The following GRM7 variants were observed in gnomAD, a reference collection of about 807,000 sequenced individuals.
GRM7 encodes glutamate metabotropic receptor 7, also known as metabotropic glutamate receptor 7.
Under a neutral mutation model 84.5 loss-of-function variants are expected in GRM7, and 35 were observed. That is an observed-to-expected ratio of 0.41 (90% CI 0.32 to 0.55). GRM7 has a LOEUF of 0.55. GRM7 is among the 20% of genes least tolerant of loss of function. The pLI, the probability that GRM7 is intolerant of heterozygous loss-of-function variation, is 0.19. For synonymous variants in GRM7, 487 were observed against 455.1 expected (o/e 1.07, Z -0.89); for missense variants, 1,003 against 1,194.6 (o/e 0.84, Z 2.36).
rs144529514 is a variant in GRM7 at position 6,960,619 on chromosome 3, CT to C, written c.519+98713del. 5.0e-3 allele frequency among the ~76,000 whole-genome samples: 754 copies of C among 152,272 alleles called. 10 individuals are homozygous for C. The highest frequency in any genetic ancestry group is 0.018 in the African/African-American group (731 of 41,550). ...TCTTCCATTTCTTTCCAATTCCTCA[CT>C]CTCCAAAACATTTTCAATGTATTCC... On this transcript the variant is annotated intron_variant, in intron 1 of 9. Transcript: ENST00000357716.
intron 7 of GRM7, among the ~76,000 whole-genome samples, chr3:7,469,834 C>A (rs1394648105): frequency 6.6e-6 from 1 of 152,110 alleles, no homozygotes; most frequent in Non-Finnish European, 1.5e-5. Context: ...ATTTGTAAAT[C>A]AAAATTAAGT....
At chr3:7,250,340 G>C (rs1246989935) in intron 2 of GRM7, among the ~76,000 whole-genome samples, 3 of 151,984 alleles carry the variant, frequency 2.0e-5, no homozygotes, top group Non-Finnish European at 4.4e-5. Context: ...TTGGTTGGAA[G>C]TATGTGAAAG....
intron 4 of GRM7, among the ~76,000 whole-genome samples, chr3:7,376,970 C>T (rs146481974): frequency 5.2e-4 from 79 of 152,304 alleles, no homozygotes; most frequent in African/African-American, 1.9e-3. Context: ...CAATGCCAAA[C>T]GTCCCCTGGG....
intron 1 of GRM7, among the ~76,000 whole-genome samples, chr3:6,874,388 C>G (rs777339571): frequency 2.0e-5 from 3 of 152,148 alleles, no homozygotes; most frequent in Non-Finnish European, 2.9e-5. Flanking sequence ...AACTGTACCC[C>G]CAGTCAGAGC....
chr3:6,892,612 G>C (rs1696007513), intron 1 of GRM7: 1 of 152,122 alleles, frequency 6.6e-6, no homozygotes, highest in Non-Finnish European at 1.5e-5. Flanking sequence ...TGAGGAAAAA[G>C]AAGGAAGAAT....
intron 4 of GRM7, among the ~76,000 whole-genome samples, chr3:7,329,721 TTG>T (rs1274946178): frequency 1.3e-5 from 2 of 152,160 alleles, no homozygotes. Context: ...TTCAGTAGCA[TTG>T]TGTGTGTATA....
intron 1 of GRM7, among the ~76,000 whole-genome samples, chr3:7,034,417 C>T (rs1261113623): frequency 6.6e-6 from 1 of 152,092 alleles, no homozygotes; most frequent in Admixed American, 6.6e-5. Flanking sequence ...AAAAGAACCA[C>T]TTCTCCCAAA....
At chr3:7,632,306 GCATGAGTAGC>G (rs935184593) in intron 8 of GRM7, among the ~76,000 whole-genome samples, 5 of 152,140 alleles carry the variant, frequency 3.3e-5, no homozygotes, top group Admixed American at 3.3e-4. Flanking sequence ...AATGGAGTGG[GCATGAGTAGC>G]CATTACTATT....
At chr3:7,687,604 G>A (rs1700634432) in intron 9 of GRM7, among the ~76,000 whole-genome samples, 1 of 152,158 alleles carries the variant, frequency 6.6e-6, no homozygotes, top group South Asian at 2.1e-4. Context: ...GATTCCAAGA[G>A]AGTAAGCAGT....
chr3:7,299,113 T>C (rs1248713981), intron 3 of GRM7, among the ~76,000 whole-genome samples: 1 of 152,236 alleles, frequency 6.6e-6, no homozygotes, highest in Admixed American at 6.5e-5. Context: ...AATATATTAA[T>C]AACAGATTTT....
chr3:7,101,980 A>T (rs1197047329), intron 1 of GRM7, among the ~76,000 whole-genome samples: 1 of 151,236 alleles, frequency 6.6e-6, no homozygotes, highest in Non-Finnish European at 1.5e-5. Context: ...CATTTAATTT[A>T]TTCCTGTCCT....
At chr3:7,130,324 A>T (rs1693549189) in intron 1 of GRM7, among the ~76,000 whole-genome samples, 1 of 152,072 alleles carries the variant, frequency 6.6e-6, no homozygotes, top group Admixed American at 6.6e-5. Flanking sequence ...TGGGCGAATC[A>T]CGAAGTTAGG....
intron 5 of GRM7, among the ~76,000 whole-genome samples, chr3:7,429,226 A>G (rs1183453380): frequency 6.6e-6 from 1 of 152,108 alleles, no homozygotes; most frequent in Non-Finnish European, 1.5e-5. Flanking sequence ...TGTTTTAAGG[A>G]GAAGCACTAA....
intron 1 of GRM7, among the ~76,000 whole-genome samples, chr3:7,124,025 G>C (rs1205841003): frequency 7.2e-5 from 11 of 152,060 alleles, no homozygotes; most frequent in Non-Finnish European, 1.5e-4. Context: ...TTCTAGTCTA[G>C]AAATTTTATG....
chr3:7,311,891 G>A (rs535389647), intron 4 of GRM7, among the ~76,000 whole-genome samples: 7 of 152,178 alleles, frequency 4.6e-5, no homozygotes, highest in African/African-American at 7.2e-5. Flanking sequence ...CACTGCACCC[G>A]GCCTCAACAC....
At chr3:7,481,522 A>C (rs111356280) in intron 7 of GRM7, among the ~76,000 whole-genome samples, 2,836 of 152,318 alleles carry the variant, frequency 0.019, 82 homozygotes, top group African/African-American at 0.063. Flanking sequence ...AATAATGACT[A>C]TTAGGCCTGA....
chr3:7,190,810 C>T lies in GRM7; in HGVS notation c.736+44142C>T, dbSNP rs577927847. ...GAGTTGAGTTGTTAGACAGGGAGAA[C>T]AGCAGGTGCCCCTCTTGGCACTCTC... On this transcript the variant is annotated intron_variant, in intron 2 of 9. Transcript: ENST00000357716. 2.0e-4 allele frequency among the ~76,000 whole-genome samples: 31 copies of T among 152,204 alleles called. No individual in the cohort carries two copies. The South Asian group carries it at 5.0e-3, about 24-fold the overall frequency.
chr3:7,303,285 A>G (rs1040040044), intron 3 of GRM7, among the ~76,000 whole-genome samples: 5 of 152,184 alleles, frequency 3.3e-5, no homozygotes, highest in African/African-American at 1.2e-4. Context: ...AAAAAACTAA[A>G]ATATGACTAA....
At chr3:7,714,090 T>C (rs895517022) in intron 9 of GRM7, among the ~76,000 whole-genome samples, 1 of 152,150 alleles carries the variant, frequency 6.6e-6, no homozygotes, top group African/African-American at 2.4e-5. Flanking sequence ...TCAATGAATA[T>C]GTATTGCCAA....
Sources: gnomAD v4.1 joint callset for allele counts (sites outside exome capture counted in the v4.1 genomes callset) on GRCh38, gnomAD v4.1.1 for gene constraint, MANE v1.5 for transcripts, NCBI Gene and HGNC (gene_info 2026-07-23, HGNC 2026-07-21) for gene names.